Variants in PKHD1L1 observed in about 807,000 individuals in gnomAD.
The protein encoded by PKHD1L1 is fibrocystin-L.
Under a neutral mutation model 462.9 loss-of-function variants are expected in PKHD1L1, and 434 were observed. The observed-to-expected ratio is 0.94, with a 90% CI of 0.87 to 1.02. The LOEUF (loss-of-function observed/expected upper bound fraction) is 1.02. Ranked by LOEUF, PKHD1L1 falls within the 50% of genes least tolerant of loss-of-function variation. PKHD1L1 has a pLI of 0.00. For missense variants in PKHD1L1, 5,202 were observed against 5,096.1 expected (o/e 1.02, Z -0.63); for synonymous variants, 1,781 against 1,750.0 (o/e 1.02, Z -0.44).
intron 14 of PKHD1L1, among the ~76,000 whole-genome samples, chr8:109,401,889 T>C (rs1813291639): frequency 6.6e-6 from 1 of 152,290 alleles, no homozygotes; most frequent in South Asian, 2.1e-4. Flanking sequence ...AATCCACCCA[T>C]TTAATTTCTC....
chr8:109,391,328 G>A (rs1420083475), intron 9 of PKHD1L1, among the ~76,000 whole-genome samples: 1 of 152,142 alleles, frequency 6.6e-6, no homozygotes, highest in African/African-American at 2.4e-5. Flanking sequence ...TAGGACCTGA[G>A]CATTTTATTC....
chr8:109,501,330 G>A (rs1330873779), intron 67 of PKHD1L1, among the ~76,000 whole-genome samples: 2 of 151,966 alleles, frequency 1.3e-5, no homozygotes, highest in South Asian at 2.1e-4. Context: ...CTATTTTGTC[G>A]AACGTGAGTT....
At chr8:109,381,309 A>G in intron 2 of PKHD1L1, 61 bp from the exon 3 acceptor site, 1 of 1,384,376 alleles carries the variant, frequency 7.2e-7, no homozygotes, top group Non-Finnish European at 9.9e-7. Context: ...CTAGGTGACA[A>G]ATGTTAGGTC....
At chr8:109,423,145 G>C in intron 23 of PKHD1L1, among the ~76,000 whole-genome samples, 1 of 151,930 alleles carries the variant, frequency 6.6e-6, no homozygotes, top group Middle Eastern at 3.2e-3. Context: ...AAAATTTTAT[G>C]AGGCCAAATT....
At chr8:109,523,866 G>A (rs933140126) in intron 76 of PKHD1L1, among the ~76,000 whole-genome samples, 3 of 152,176 alleles carry the variant, frequency 2.0e-5, no homozygotes, top group African/African-American at 7.2e-5. Flanking sequence ...CAGATCAGTT[G>A]CTGTGAGAAT....
At chr8:109,380,913 T>C (rs6993552) in intron 2 of PKHD1L1, among the ~76,000 whole-genome samples, 45,158 of 152,018 alleles carry the variant, frequency 0.3, 7,291 homozygotes, top group Admixed American at 0.43. Context: ...ACCTTTTTCA[T>C]GGTACTTATC....
At chr8:109,482,371 G>A (rs1001476929) in intron 56 of PKHD1L1, among the ~76,000 whole-genome samples, 2 of 151,658 alleles carry the variant, frequency 1.3e-5, no homozygotes, top group Non-Finnish European at 3.0e-5. Context: ...AAACAACATA[G>A]AACAGTATGA....
intron 30 of PKHD1L1, among the ~76,000 whole-genome samples, chr8:109,437,908 G>A (rs145864854): frequency 1.3e-5 from 2 of 152,214 alleles, no homozygotes; most frequent in African/African-American, 2.4e-5. Context: ...GGATTTTGGA[G>A]TGAGGTCTTC....
intron 67 of PKHD1L1, among the ~76,000 whole-genome samples, chr8:109,503,992 C>T (rs1346234694): frequency 6.6e-6 from 1 of 152,150 alleles, no homozygotes; most frequent in Non-Finnish European, 1.5e-5. Context: ...TGTTGGAAGT[C>T]ACAGAATTCC....
chr8:109,514,558 C>T (rs1052906082), intron 71 of PKHD1L1, among the ~76,000 whole-genome samples: 1 of 152,226 alleles, frequency 6.6e-6, no homozygotes, highest in Admixed American at 6.5e-5. Flanking sequence ...TTCTGAGCCT[C>T]TGAAGACAAT....
rs774057627 is a variant in PKHD1L1 at position 109,444,842 on chromosome 8, T to C, written c.4973T>C (p.Leu1658Ser). ...SNEFDRRFVL[L>S]PNIDLVLPNA... Reference sequence around the variant, plus strand: ...GAATTTGATAGGCGATTTGTACTTTTGCCAAACATTGACCTGGTGTTGCCA... The same window carrying C: ...GAATTTGATAGGCGATTTGTACTTTCGCCAAACATTGACCTGGTGTTGCCA... Residue 1658 changes from leucine (L) to serine (S), a missense_variant, in exon 38 of 78, where the codon TTG (leucine) becomes TCG (serine). By Grantham distance (145) the Leu-to-Ser change is moderately radical. Around this residue, in one of 3 missense-constraint regions of PKHD1L1, gnomAD observed 4,497 missense variants for 4,336.8 expected, o/e 1.04. Transcript: ENST00000378402. 14 of 1,613,920 alleles carry C rather than the reference T, an allele frequency of 8.7e-6. No homozygotes were observed. Among genetic ancestry groups the C allele is most frequent in the Non-Finnish European group, 1.2e-5 (14 of 1,179,894 alleles).
chr8:109,519,781 G>T (rs868551873), intron 73 of PKHD1L1, among the ~76,000 whole-genome samples: 6 of 152,068 alleles, frequency 3.9e-5, no homozygotes, highest in African/African-American at 1.2e-4. Context: ...AAGCTACAAA[G>T]GTATGATTTT....
chr8:109,480,497 A>G, intron 55 of PKHD1L1: 1 of 433,932 alleles, frequency 2.3e-6, no homozygotes. Flanking sequence ...TGTTCTTTAA[A>G]TAAAACAAAC....
intron 1 of PKHD1L1, among the ~76,000 whole-genome samples, 175 bp downstream of exon 1, chr8:109,362,828 A>T (rs1811048146): frequency 6.6e-6 from 1 of 152,144 alleles, no homozygotes; most frequent in African/African-American, 2.4e-5. Flanking sequence ...GCAAACAGAG[A>T]CAGACGCAGA....
chr8:109,436,393 A>T lies in PKHD1L1; in HGVS notation c.3561A>T (p.Leu1187Phe), dbSNP rs1341201207. The change falls in exon 30 of 78, where the codon TTA (leucine) becomes TTT (phenylalanine). Residue 1187 changes from leucine (L) to phenylalanine (F), a missense_variant. Leu to Phe is a conservative substitution (Grantham distance 22). Transcript: ENST00000378402. ...GFGFNENSKV[L>F]VGNETCNVIE... ...GCTTTAATGAAAATTCAAAGGTATTAGTTGGAAATGAAACCTGCAATGTGA... is the reference window on the plus strand; with the variant it reads ...GCTTTAATGAAAATTCAAAGGTATTTGTTGGAAATGAAACCTGCAATGTGA... 23 of 1,613,410 alleles carry T rather than the reference A, an allele frequency of 1.4e-5. No homozygotes were observed. Among genetic ancestry groups the T allele is most frequent in the Non-Finnish European group, 1.9e-5 (22 of 1,179,756 alleles).
Position 109,533,064 on chromosome 8 carries a change from G to A in PKHD1L1, c.*2974G>A, listed in dbSNP as rs1821075987. Among the ~76,000 whole-genome samples, 1 of 152,184 alleles carries A rather than the reference G, an allele frequency of 6.6e-6. No homozygotes were observed. On this transcript the variant is annotated 3_prime_UTR_variant, in exon 78 of 78. Coordinates refer to ENST00000378402, the MANE Select transcript of PKHD1L1 (RefSeq NM_177531.6). ...ACAGAGCTACTAATGGTAAAGCTGG[G>A]ATTCAAACACAGACAATTTAACTCC...
rs1455693259 is a variant in PKHD1L1 at position 109,530,660 on chromosome 8, AC to A, written c.*571del. Reference sequence around the variant, plus strand: ...TTCACAGTAATCCCAGGAATTCTAGACTGTCCTGTATTTCTGGATCTGCCCA... The same window carrying A: ...TTCACAGTAATCCCAGGAATTCTAGATGTCCTGTATTTCTGGATCTGCCCA... On this transcript the variant is annotated 3_prime_UTR_variant, in exon 78 of 78. Transcript: ENST00000378402. Among the ~76,000 whole-genome samples the A allele has an allele frequency of 6.6e-6, 1 of 152,086 alleles. No individual in the cohort carries two copies. The highest frequency in any genetic ancestry group is 1.5e-5 in the Non-Finnish European group (1 of 68,004).
rs930075690 is a variant in PKHD1L1 at position 109,465,011 on chromosome 8, G to T, written c.8179G>T (p.Gly2727Cys). ...GGGGTCTGCATTTTGCACAGCAAAA[G>T]GCCTGGTTCTCCCATTTAGTGAAGG... is the stretch of plus-strand genomic sequence containing the variant. ...GMGSAFCTAK[G>C]LVLPFSEGLT... The change falls in exon 49 of 78, where the codon GGC (glycine) becomes TGC (cysteine). Residue 2727 changes from glycine to cysteine, a missense_variant. Coordinates refer to ENST00000378402, the MANE Select transcript of PKHD1L1 (RefSeq NM_177531.6). 13 of 1,613,710 alleles carry T rather than the reference G, an allele frequency of 8.1e-6. No individual in the cohort carries two copies. Among genetic ancestry groups the T allele is most frequent in the Admixed American group, 1.7e-5 (1 of 59,972 alleles).
Position 109,400,234 on chromosome 8 carries a change from C to G in PKHD1L1, c.1171C>G (p.Arg391Gly), listed in dbSNP as rs751058194. 6.2e-7 allele frequency: 1 copy of G among 1,613,602 alleles called. No homozygotes were observed. Among genetic ancestry groups the G allele is most frequent in the Non-Finnish European group, 8.5e-7 (1 of 1,179,672 alleles). Residue 391 changes from arginine (R) to glycine (G), a missense_variant, in exon 13 of 78, where the codon CGC (arginine) becomes GGC (glycine). Arg to Gly is a moderately radical substitution (Grantham distance 125). Coordinates refer to ENST00000378402, the MANE Select transcript of PKHD1L1 (RefSeq NM_177531.6). ...CATGGAACAAGACACATTTGTTGCA[C>G]GCTTTAGTGGATTTTTGGTGGCTCC... is the stretch of plus-strand genomic sequence containing the variant. Reference protein sequence around the residue: ...WLMEQDTFVARFSGFLVAPDS... With the variant: ...WLMEQDTFVAGFSGFLVAPDS...
Sources: allele counts gnomAD v4.1 joint callset (sites outside exome capture counted in the v4.1 genomes callset), GRCh38; gene constraint gnomAD v4.1.1; regional missense constraint gnomAD v4.1.1; transcripts MANE v1.5; gene names NCBI Gene and HGNC (gene_info 2026-07-23, HGNC 2026-07-21).